WDR7: variants seen among roughly 807,000 people sequenced by gnomAD.
WDR7 encodes WD repeat-containing protein 7.
A neutral mutation model predicts 169.4 loss-of-function variants in WDR7; 46 were observed. That is an observed-to-expected ratio of 0.27 (90% CI 0.21 to 0.35). The LOEUF is 0.35. Among genes scored for constraint, WDR7 ranks in the 10% least tolerant of loss-of-function variants. The pLI, the probability that WDR7 is intolerant of heterozygous loss-of-function variation, is 1.00. For synonymous variants in WDR7, 612 were observed against 666.8 expected, an observed-to-expected ratio of 0.92 and a Z score of 1.27; for missense variants, 1,534 against 1,859.3, an observed-to-expected ratio of 0.83 and a Z score of 3.22.
At chr18:56,751,294 T>C (rs749312739) in intron 14 of WDR7, among the ~76,000 whole-genome samples, 4 of 152,150 alleles carry the variant, frequency 2.6e-5, no homozygotes, top group Non-Finnish European at 5.9e-5. Context: ...AAAGCGGGCA[T>C]GTGGGGTTGA....
At chr18:56,817,667 A>T (rs576510049) in intron 20 of WDR7, among the ~76,000 whole-genome samples, 2 of 152,076 alleles carry the variant, frequency 1.3e-5, no homozygotes, top group East Asian at 3.9e-4. Flanking sequence ...GGAACTTCTA[A>T]TTTTTCTGAT....
At position 56,877,518 on chromosome 18, in the gene WDR7, G is replaced by A. The variant is rs76431935; in HGVS notation, c.3305-2426G>A. Among the ~76,000 whole-genome samples the A allele has an allele frequency of 5.7e-3, 875 of 152,222 alleles. 7 individuals are homozygous for A. The highest frequency in any genetic ancestry group is 0.02 in the African/African-American group (832 of 41,528). ...GTTACTTAACTCATTTCTGAGGCTC[G>A]TATTATGTTGATACTAAGTATAGAA... On this transcript the variant is annotated intron_variant, in intron 20 of 27. Transcript: ENST00000254442.
At chr18:56,962,286 T>C (rs1307350238) in intron 25 of WDR7, 144 bp from the exon 26 acceptor site, 2 of 422,900 alleles carry the variant, frequency 4.7e-6, no homozygotes, top group Non-Finnish European at 8.1e-6. Context: ...TGAAAAATCA[T>C]AATATATTTA....
chr18:56,986,445 C>A (rs1426291377), intron 26 of WDR7, among the ~76,000 whole-genome samples: 1 of 152,046 alleles, frequency 6.6e-6, no homozygotes, highest in Non-Finnish European at 1.5e-5. Context: ...TTTTATCATA[C>A]TTTGATAGGT....
At chr18:57,031,201 C>T (rs2048439816), downstream of WDR7, 1 of 152,198 alleles carries the variant, frequency 6.6e-6, no homozygotes, top group African/African-American at 2.4e-5. Flanking sequence ...CCTGGATCCT[C>T]CTTCACATTC....
At chr18:56,849,818 C>G (rs924515014) in intron 20 of WDR7, among the ~76,000 whole-genome samples, 2 of 152,182 alleles carry the variant, frequency 1.3e-5, no homozygotes, top group Admixed American at 6.5e-5. Flanking sequence ...AGGCTGACCT[C>G]AAACTCCTGG....
chr18:56,900,537 A>G (rs1031246247), intron 21 of WDR7, among the ~76,000 whole-genome samples: 2 of 152,204 alleles, frequency 1.3e-5, no homozygotes, highest in Non-Finnish European at 2.9e-5. Flanking sequence ...TATGTGCAAA[A>G]TATCAGCTAC....
intron 25 of WDR7, among the ~76,000 whole-genome samples, chr18:56,949,282 G>A (rs761705004): frequency 6.6e-5 from 10 of 152,080 alleles, no homozygotes; most frequent in Non-Finnish European, 1.3e-4. Context: ...TATGAAGGTT[G>A]TATCTATATT....
chr18:56,785,989 G>T (rs1008063511), intron 19 of WDR7, among the ~76,000 whole-genome samples: 1 of 152,110 alleles, frequency 6.6e-6, no homozygotes, highest in African/African-American at 2.4e-5. Flanking sequence ...AGCATGAAAA[G>T]AGAAACTCTT....
At chr18:56,730,187 C>A (rs760226082) in intron 13 of WDR7, among the ~76,000 whole-genome samples, 8 of 152,148 alleles carry the variant, frequency 5.3e-5, no homozygotes, top group Non-Finnish European at 1.0e-4. Context: ...AACTCTCTAG[C>A]TTTTGTGCAG....
chr18:57,011,844 C>A (rs1200745149), intron 26 of WDR7, among the ~76,000 whole-genome samples: 1 of 152,210 alleles, frequency 6.6e-6, no homozygotes, highest in East Asian at 1.9e-4. Flanking sequence ...CCATGTACTT[C>A]CATTTTGGTC....
At chr18:56,885,388 A>G (rs1394268143) in intron 21 of WDR7, among the ~76,000 whole-genome samples, 2 of 152,114 alleles carry the variant, frequency 1.3e-5, no homozygotes, top group Admixed American at 6.5e-5. Flanking sequence ...CAAAAAAATT[A>G]TATAAGATAT....
intron 20 of WDR7, among the ~76,000 whole-genome samples, chr18:56,862,369 T>C (rs565601803): frequency 1.3e-5 from 2 of 151,638 alleles, no homozygotes; most frequent in South Asian, 4.2e-4. Flanking sequence ...TTTAAAAGTT[T>C]GTGATAAACT....
At chr18:56,903,232 T>G (rs1455767440) in intron 21 of WDR7, among the ~76,000 whole-genome samples, 1 of 152,152 alleles carries the variant, frequency 6.6e-6, no homozygotes, top group Non-Finnish European at 1.5e-5. Flanking sequence ...CTAAAGATGG[T>G]GTTTCACTGA....
At chr18:56,903,081 T>C (rs2046425561) in intron 21 of WDR7, among the ~76,000 whole-genome samples, 1 of 152,194 alleles carries the variant, frequency 6.6e-6, no homozygotes, top group Non-Finnish European at 1.5e-5. Context: ...GGCAGCATTG[T>C]GTATTAATGC....
chr18:56,824,411 T>C (rs184788967), intron 20 of WDR7, among the ~76,000 whole-genome samples: 8 of 152,362 alleles, frequency 5.3e-5, no homozygotes, highest in Admixed American at 2.0e-4. Flanking sequence ...ATGTGACTTT[T>C]ACCTTCTTGT....
chr18:56,912,685 A>G (rs2046569170), intron 21 of WDR7, among the ~76,000 whole-genome samples: 4 of 151,950 alleles, frequency 2.6e-5, no homozygotes, highest in East Asian at 1.9e-4. Flanking sequence ...ACTATGTTAA[A>G]CCTTGACACT....
chr18:56,746,369 G>A lies in WDR7; in HGVS notation c.1990-10214G>A, dbSNP rs2043703295. ...GATATTTTCTCAGGCAAATAGATGG[G>A]TAGAAAGGACGGGGTAGGAAAAAGG... On this transcript the variant is annotated intron_variant, in intron 14 of 27. Transcript: ENST00000254442. 4.6e-5 allele frequency among the ~76,000 whole-genome samples: 7 copies of A among 152,300 alleles called. No homozygotes were observed. In the South Asian group the frequency reaches 1.5e-3, roughly 32 times the overall value.
chr18:56,743,720 GGAAA>G (rs1368241951), intron 14 of WDR7, among the ~76,000 whole-genome samples: 1 of 152,136 alleles, frequency 6.6e-6, no homozygotes, highest in Admixed American at 6.5e-5. Flanking sequence ...GAGAAGAGAA[GGAAA>G]GAGAGTAGCT....
Sources: allele counts gnomAD v4.1 joint callset (sites outside exome capture counted in the v4.1 genomes callset), GRCh38; gene constraint gnomAD v4.1.1; transcripts MANE v1.5; gene names NCBI Gene and HGNC (gene_info 2026-07-23, HGNC 2026-07-21).